Variants in ADGRL2 observed in about 807,000 individuals in gnomAD.
ADGRL2 encodes calcium-independent alpha-latrotoxin receptor 2.
Under a neutral mutation model 157.4 loss-of-function variants are expected in ADGRL2, and 44 were observed. The observed-to-expected ratio is 0.28, with a 90% CI of 0.22 to 0.36. The LOEUF (loss-of-function observed/expected upper bound fraction) is 0.36, where lower values mean the gene tolerates loss of function less well. ADGRL2 is among the 10% of genes least tolerant of loss of function. The probability of loss-of-function intolerance (pLI) is 1.00; values close to 1 mark genes in which losing one functional copy is unlikely to be tolerated. For missense variants in ADGRL2, 1,510 were observed against 1,768.9 expected (o/e 0.85, Z 2.63); for synonymous variants, 585 against 624.7 (o/e 0.94, Z 0.95).
intron 3 of ADGRL2, among the ~76,000 whole-genome samples, chr1:81,621,371 C>T (rs1231759225): frequency 1.3e-5 from 2 of 152,096 alleles, no homozygotes; most frequent in Admixed American, 1.3e-4. Flanking sequence ...AGCAGCAAAA[C>T]ACAGAAAAAG....
intron 1 of ADGRL2, among the ~76,000 whole-genome samples, chr1:81,817,426 G>A (rs917896122): frequency 1.3e-5 from 2 of 151,850 alleles, no homozygotes; most frequent in South Asian, 2.1e-4. Flanking sequence ...CATGAATTTG[G>A]TAATAAATCT....
intron 1 of ADGRL2, chr1:81,426,941 G>GA (rs1302305582): frequency 1.4e-6 from 1 of 715,842 alleles, no homozygotes; most frequent in Non-Finnish European, 2.6e-6. Flanking sequence ...CAGACAGAGT[G>GA]AAAAAAAGGA....
intron 3 of ADGRL2, among the ~76,000 whole-genome samples, chr1:81,915,418 T>G (rs2094832602): frequency 2.0e-5 from 3 of 152,140 alleles, no homozygotes; most frequent in African/African-American, 7.2e-5. Flanking sequence ...AAAACAGTTC[T>G]ACTAGATGTT....
chr1:81,736,142 C>CA (rs71085371), intron 1 of ADGRL2, among the ~76,000 whole-genome samples: 12,043 of 92,342 alleles, frequency 0.13, 904 homozygotes, highest in African/African-American at 0.16. Flanking sequence ...GACCCCGTCT[C>CA]AAAAAAAAAA....
chr1:81,557,443 GAA>G, intron 2 of ADGRL2: 1 of 132,832 alleles, frequency 7.5e-6, no homozygotes, highest in Non-Finnish European at 1.6e-5. Flanking sequence ...AAGAAAGAAA[GAA>G]AGAGAGAAAG....
At chr1:81,317,386 CTTCA>C (rs1051971663) in intron 1 of ADGRL2, among the ~76,000 whole-genome samples, 3 of 152,170 alleles carry the variant, frequency 2.0e-5, no homozygotes, top group South Asian at 2.1e-4. Context: ...GCACTCATCA[CTTCA>C]TTCAGGAAAG....
intron 2 of ADGRL2, among the ~76,000 whole-genome samples, chr1:81,577,160 A>G (rs908532376): frequency 6.6e-6 from 1 of 152,176 alleles, no homozygotes; most frequent in Non-Finnish European, 1.5e-5. Flanking sequence ...GCCCTGCACC[A>G]CAATGCTGAC....
intron 6 of ADGRL2, among the ~76,000 whole-genome samples, chr1:81,947,887 G>A (rs1572296600): frequency 6.6e-6 from 1 of 152,178 alleles, no homozygotes; most frequent in Admixed American, 6.6e-5. Context: ...TATTTTTGAA[G>A]AATAAGTTGA....
At chr1:81,759,701 T>C (rs1001323214) in intron 1 of ADGRL2, among the ~76,000 whole-genome samples, 20 of 152,270 alleles carry the variant, frequency 1.3e-4, no homozygotes, top group Non-Finnish European at 4.4e-5. Context: ...GCTGTATTAC[T>C]GAAGCTTGAC....
chr1:81,466,480 T>C (rs2078055458), intron 2 of ADGRL2, among the ~76,000 whole-genome samples: 1 of 152,172 alleles, frequency 6.6e-6, no homozygotes, highest in Admixed American at 6.6e-5. Context: ...CCATCAGGTC[T>C]GCATTGAAGA....
intron 1 of ADGRL2, among the ~76,000 whole-genome samples, chr1:81,388,696 C>T (rs1322558513): frequency 6.6e-6 from 1 of 152,146 alleles, no homozygotes; most frequent in Admixed American, 6.6e-5. Flanking sequence ...TGGGCCCTCA[C>T]ATCGGATCTG....
chr1:81,668,716 C>T (rs2082804870), intron 3 of ADGRL2, among the ~76,000 whole-genome samples: 1 of 145,662 alleles, frequency 6.9e-6, no homozygotes. Context: ...GCATGTGCCA[C>T]CAGGCCCGGC....
chr1:81,576,309 C>A (rs140284484), intron 2 of ADGRL2, among the ~76,000 whole-genome samples: 79 of 152,180 alleles, frequency 5.2e-4, no homozygotes, highest in African/African-American at 1.7e-3. Flanking sequence ...CTCCTCTAAA[C>A]CTCTCAGCTT....
At chr1:81,753,132 A>G (rs760717545) in intron 1 of ADGRL2, among the ~76,000 whole-genome samples, 8 of 152,086 alleles carry the variant, frequency 5.3e-5, no homozygotes, top group East Asian at 1.9e-4. Context: ...TATTTGTCCA[A>G]TTTCATGCTG....
At chr1:81,953,195 C>T (rs1361352932) in intron 10 of ADGRL2, among the ~76,000 whole-genome samples, 170 bp downstream of exon 10, 2 of 152,090 alleles carry the variant, frequency 1.3e-5, no homozygotes, top group African/African-American at 4.8e-5. Flanking sequence ...TCAGAATAAG[C>T]AAATAATTTA....
intron 9 of ADGRL2, among the ~76,000 whole-genome samples, chr1:81,952,440 A>G (rs767396358): frequency 1.3e-5 from 2 of 152,062 alleles, no homozygotes; most frequent in African/African-American, 2.4e-5. Context: ...GCACTTGGAG[A>G]GATTATATGT....
At chr1:81,518,596 G>C (rs72946990) in intron 2 of ADGRL2, among the ~76,000 whole-genome samples, 1,975 of 152,242 alleles carry the variant, frequency 0.013, 38 homozygotes, top group African/African-American at 0.045. Flanking sequence ...TTATTGTTCA[G>C]CTCATGATTT....
At chr1:81,615,610 A>G in intron 3 of ADGRL2, among the ~76,000 whole-genome samples, 1 of 152,170 alleles carries the variant, frequency 6.6e-6, no homozygotes, top group Non-Finnish European at 1.5e-5. Context: ...TGCGGCTTCA[A>G]TCTTGAAGTC....
intron 2 of ADGRL2, among the ~76,000 whole-genome samples, chr1:81,898,667 CTCCATGAATA>C (rs1310844065): frequency 1.3e-5 from 2 of 152,148 alleles, no homozygotes; most frequent in Non-Finnish European, 2.9e-5. Context: ...GCTTAGTTGG[CTCCATGAATA>C]TGCAGAGATG....
Sources: gnomAD v4.1 joint callset for allele counts (sites outside exome capture counted in the v4.1 genomes callset) on GRCh38, gnomAD v4.1.1 for gene constraint, MANE v1.5 for transcripts, NCBI Gene and HGNC (gene_info 2026-07-23, HGNC 2026-07-21) for gene names.